The following ITPR1 variants were observed in gnomAD, a reference collection of about 807,000 sequenced individuals.
ITPR1 encodes inositol 1,4,5-trisphosphate receptor type 1, also known as inositol 1,4,5-trisphosphate-gated calcium channel ITPR1.
A neutral mutation model predicts 318.4 loss-of-function variants in ITPR1; 96 were observed. That is an observed-to-expected ratio of 0.30 (90% CI 0.26 to 0.36). The LOEUF (loss-of-function observed/expected upper bound fraction) is 0.36, where lower values mean the gene tolerates loss of function less well. ITPR1 is among the 10% of genes least tolerant of loss of function. The pLI is 1.00. For synonymous variants in ITPR1, 1,312 were observed against 1,289.9 expected (o/e 1.02, Z -0.37); for missense variants, 2,440 against 3,460.2 (o/e 0.71, Z 7.40).
intron 54 of ITPR1, among the ~76,000 whole-genome samples, chr3:4,802,173 A>C (rs970770284): frequency 1.3e-5 from 2 of 152,222 alleles, no homozygotes; most frequent in African/African-American, 4.8e-5. Flanking sequence ...ACAGACTTTA[A>C]TGTACTAATA....
In ITPR1 at chr3:4,846,247, T is replaced by C. The variant is rs1428828383; in HGVS notation, c.*22T>C. On this transcript the variant is annotated 3_prime_UTR_variant, in exon 62 of 62. Transcript: ENST00000649015. ...ATAAGCAAATGAAAGAAAGGAATTG[T>C]ATTTACCTTTTATAATTATTATTAG... The C allele has an allele frequency of 2.1e-6, 3 of 1,461,146 alleles. No homozygotes were observed. The highest frequency in any genetic ancestry group is 2.8e-6 in the Non-Finnish European group (3 of 1,064,848). 90.5% of individuals were successfully genotyped at this position (1,461,146 alleles called of 1,614,324 possible). A position where few individuals can be genotyped will look rare whatever the true frequency, so the allele number is the denominator to read the frequency against.
At chr3:4,837,657 G>T (rs1013626775) in intron 61 of ITPR1, among the ~76,000 whole-genome samples, 2 of 152,028 alleles carry the variant, frequency 1.3e-5, no homozygotes, top group Non-Finnish European at 2.9e-5. Flanking sequence ...CCAATTTAAA[G>T]TAAGTTGTAG....
rs537309518 is a variant in ITPR1 at position 4,561,070 on chromosome 3, A to G, written c.163+39976A>G. Among the ~76,000 whole-genome samples, 81 of 152,210 alleles carry G rather than the reference A, an allele frequency of 5.3e-4. 1 individual carries two copies. The highest frequency in any genetic ancestry group is 2.0e-3 in the African/African-American group (81 of 41,538). Reference sequence around the variant, plus strand: ...AACGAGGAGGAGAATCTTGGGTTTAATGTCTCCTGATTTATTTTTAGCAGC... The same window carrying G: ...AACGAGGAGGAGAATCTTGGGTTTAGTGTCTCCTGATTTATTTTTAGCAGC... On this transcript the variant is annotated intron_variant, in intron 4 of 61. Transcript: ENST00000649015.
intron 39 of ITPR1, among the ~76,000 whole-genome samples, chr3:4,716,772 T>C (rs536663617): frequency 2.6e-5 from 4 of 152,344 alleles, no homozygotes; most frequent in South Asian, 4.1e-4. Context: ...TTGGACACGA[T>C]GCTGATAAAT....
chr3:4,735,392 C>T (rs781683539), intron 44 of ITPR1, 38 bp downstream of exon 44: 2 of 1,545,306 alleles, frequency 1.3e-6, no homozygotes, highest in Non-Finnish European at 1.8e-6. Context: ...GGCATCCCTG[C>T]TGAGCAGGAG....
At chr3:4,724,168 T>G (rs1006193896) in intron 40 of ITPR1, among the ~76,000 whole-genome samples, 1 of 152,120 alleles carries the variant, frequency 6.6e-6, no homozygotes. Context: ...ATTAGTGGAG[T>G]TGGACTCATG....
rs2046681941 is a variant in ITPR1 at position 4,779,464 on chromosome 3, C to T, written c.6292-86C>T. ...ATGTTCGTCTGTTTAGCCGGGATGC[C>T]TCCCATGTGCCAGTTGGCACCTGCA... On this transcript the variant is annotated intron_variant, in intron 48 of 61. Transcript: ENST00000649015. The surrounding 1 kb of genome is among the most constrained non-coding windows in gnomAD (Gnocchi z 4.0). 1.2e-5 allele frequency: 11 copies of T among 934,632 alleles called. No individual in the cohort carries two copies. In the East Asian group the frequency reaches 1.2e-4, roughly 10 times the overall value. The allele number at this position is 934,632 out of a possible 1,614,324, so 57.9% of individuals were successfully genotyped here. A position where few individuals can be genotyped will look rare whatever the true frequency, so the allele number is the denominator to read the frequency against.
At chr3:4,717,005 A>G (rs1378928260) in intron 39 of ITPR1, among the ~76,000 whole-genome samples, 3 of 151,656 alleles carry the variant, frequency 2.0e-5, no homozygotes, top group Non-Finnish European at 4.4e-5. Context: ...CTTTCACTCT[A>G]CTCTTTCCCA....
chr3:4,761,913 C>G (rs555122827), intron 44 of ITPR1, among the ~76,000 whole-genome samples: 1 of 152,320 alleles, frequency 6.6e-6, no homozygotes, highest in Admixed American at 6.5e-5. Context: ...GTGTGGAGGG[C>G]TCTTGTCTCT....
chr3:4,717,008 CT>C (rs1313315308), intron 39 of ITPR1, among the ~76,000 whole-genome samples: 1 of 152,236 alleles, frequency 6.6e-6, no homozygotes, highest in East Asian at 1.9e-4. Context: ...TCACTCTACT[CT>C]TTCCCACCCT....
chr3:4,845,216 G>A (rs752659534), intron 61 of ITPR1, among the ~76,000 whole-genome samples: 1 of 152,196 alleles, frequency 6.6e-6, no homozygotes, highest in Non-Finnish European at 1.5e-5. Context: ...AAACATAGGA[G>A]TAGGACCTTA....
At chr3:4,711,561 C>T (rs2041373242) in intron 38 of ITPR1, 196 bp from the exon 39 acceptor site, 1 of 550,014 alleles carries the variant, frequency 1.8e-6, no homozygotes. Context: ...CTGTGATTTA[C>T]CAGCAGGTGT....
intron 4 of ITPR1, among the ~76,000 whole-genome samples, chr3:4,624,466 C>T (rs796636928): frequency 8.6e-5 from 13 of 152,028 alleles, no homozygotes; most frequent in African/African-American, 2.2e-4. Context: ...GTCAGGAGTT[C>T]GAGACCAGCC....
chr3:4,817,729 G>C (rs774193022), intron 59 of ITPR1, among the ~76,000 whole-genome samples: 30 of 152,194 alleles, frequency 2.0e-4, no homozygotes, highest in Non-Finnish European at 4.0e-4. Context: ...ACATTCCCTG[G>C]TTGCATGCAA....
Position 4,735,349 on chromosome 3 carries a change from A to G in ITPR1, c.5539A>G (p.Ile1847Val). 6.2e-7 allele frequency: 1 copy of G among 1,613,370 alleles called. No homozygotes were observed. The highest frequency in any genetic ancestry group is 2.2e-5 in the East Asian group (1 of 44,880). The change falls in exon 44 of 62, where the codon ATC becomes GTC. Residue 1847 changes from isoleucine to valine, a missense_variant. Physicochemically the swap from Ile to Val is conservative, Grantham distance 29. Around this residue, in one of 23 missense-constraint regions of ITPR1, gnomAD observed 80 missense variants for 122.0 expected, o/e 0.66. Coordinates refer to ENST00000649015, the MANE Select transcript of ITPR1 (RefSeq NM_001378452.1). ...CCTTCTGGAAGGAGGCAACACCACC[A>G]TCCAGGTAGGAAGGCAGCTTGGCTA... ...IALLEGGNTT[I>V]QHSFFCRLTE...
intron 4 of ITPR1, among the ~76,000 whole-genome samples, chr3:4,566,849 C>T (rs1575556073): frequency 6.6e-6 from 1 of 152,184 alleles, no homozygotes; most frequent in East Asian, 1.9e-4. Context: ...TAATTTCCTC[C>T]TCAGGAGAGT....
chr3:4,793,342 C>T (rs2047691098), intron 52 of ITPR1, among the ~76,000 whole-genome samples: 1 of 152,202 alleles, frequency 6.6e-6, no homozygotes, highest in Non-Finnish European at 1.5e-5. Context: ...CATCACTGAG[C>T]TTTGCCAGAT....
Position 4,654,019 on chromosome 3 carries a change from C to T in ITPR1, c.996+133C>T, listed in dbSNP as rs181462888. 2.9e-4 allele frequency: 182 copies of T among 622,478 alleles called. No individual in the cohort carries two copies. The African/African-American group carries it at 3.3e-3, about 11-fold the overall frequency. 38.6% of individuals were successfully genotyped at this position (622,478 alleles called of 1,614,324 possible). ...AGGAACCTTAGGCTCCCTTAAAACA[C>T]GATCATGTTCTGTGCTTCCCTTGAG... is the stretch of plus-strand genomic sequence containing the variant. On this transcript the variant is annotated intron_variant, in intron 12 of 61. Transcript: ENST00000649015.
At chr3:4,726,256 C>T (rs1169016548) in intron 41 of ITPR1, among the ~76,000 whole-genome samples, 1 of 151,984 alleles carries the variant, frequency 6.6e-6, no homozygotes, top group Non-Finnish European at 1.5e-5. Flanking sequence ...TCTCAAACTC[C>T]TGACCTCAGG....
Sources: gnomAD v4.1 joint callset for allele counts (sites outside exome capture counted in the v4.1 genomes callset) on GRCh38, gnomAD v4.1.1 for gene constraint, gnomAD v4.1.1 regional missense constraint, Gnocchi (gnomAD v3.1) non-coding constraint, MANE v1.5 for transcripts, NCBI Gene and HGNC (gene_info 2026-07-23, HGNC 2026-07-21) for gene names.